Variants in HERC1 observed in about 807,000 individuals in gnomAD.
HERC1 encodes the protein probable E3 ubiquitin-protein ligase HERC1.
In HERC1, 160 loss-of-function variants were observed where a neutral mutation model predicts 554.3. The observed-to-expected ratio is 0.29, with a 90% CI of 0.25 to 0.33. HERC1 has a LOEUF of 0.33. HERC1 is among the 10% of genes least tolerant of loss of function. The pLI is 1.00. For synonymous variants in HERC1, 2,175 were observed against 2,131.7 expected (o/e 1.02, Z -0.56); for missense variants, 4,919 against 5,918.5 (o/e 0.83, Z 5.54).
chr15:63,671,414 T>C (rs1347563810), intron 39 of HERC1, among the ~76,000 whole-genome samples: 1 of 151,842 alleles, frequency 6.6e-6, no homozygotes, highest in Non-Finnish European at 1.5e-5. Flanking sequence ...GAATAACCTA[T>C]TATTCCTCTA....
At chr15:63,816,035 G>C (rs994877627) in intron 1 of HERC1, among the ~76,000 whole-genome samples, 1 of 152,014 alleles carries the variant, frequency 6.6e-6, no homozygotes, top group Non-Finnish European at 1.5e-5. Flanking sequence ...CCCCCCACAC[G>C]TAGGGATTAT....
In HERC1 at chr15:63,664,546, T is replaced by TA; in HGVS notation, c.8603_8604insT (p.Ser2869IlefsTer3). The TA allele has an allele frequency of 6.2e-7, 1 of 1,613,750 alleles. No homozygotes were observed. Among genetic ancestry groups the TA allele is most frequent in the Non-Finnish European group, 8.5e-7 (1 of 1,179,698 alleles). On this transcript the variant is annotated frameshift_variant, in exon 43 of 78. Coordinates refer to ENST00000443617, the MANE Select transcript of HERC1 (RefSeq NM_003922.4). LOFTEE classifies it high-confidence loss of function. ...TTACCGCTGAGCGACCTCTAGCTGA[T>TA]GGTCCACTTCCAGAAGCTGCATTCT... is the stretch of plus-strand genomic sequence containing the variant.
chr15:63,755,390 C>T, intron 5 of HERC1, 65 bp from the exon 6 acceptor site: 1 of 1,203,532 alleles, frequency 8.3e-7, no homozygotes, highest in Non-Finnish European at 1.2e-6. Context: ...CGTATTTGAT[C>T]CTATACACAG....
chr15:63,644,929 ATGACTC>A (rs1172722018), intron 57 of HERC1, 57 bp downstream of exon 57: 1 of 1,233,276 alleles, frequency 8.1e-7, no homozygotes, highest in African/African-American at 1.5e-5. Context: ...CCAAGGGAGA[ATGACTC>A]TGATGTCATA....
At chr15:63,747,549 T>C (rs1320031851) in intron 11 of HERC1, among the ~76,000 whole-genome samples, 175 bp downstream of exon 11, 1 of 152,170 alleles carries the variant, frequency 6.6e-6, no homozygotes, top group African/African-American at 2.4e-5. Context: ...CTAGAAGTTA[T>C]TATCAACAAG....
chr15:63,716,729 A>G (rs1567046110), intron 21 of HERC1, among the ~76,000 whole-genome samples: 1 of 152,152 alleles, frequency 6.6e-6, no homozygotes, highest in Non-Finnish European at 1.5e-5. Flanking sequence ...ATTTATTCAT[A>G]TCTATATTGC....
chr15:63,648,075 T>C lies in HERC1; in HGVS notation c.10872A>G (p.Ala3624=), dbSNP rs1595888975. ...TTTTTAAAGATGCATTTACCTTATG[T>C]GCATCAATTAGAACAATGCCTCCTT... ...LEKGGIVLID[A]HKDTLISMKW... Residue 3624 remains alanine, a synonymous_variant, in exon 55 of 78, where the codon GCA becomes GCG. Transcript: ENST00000443617. 5 of 1,555,586 alleles carry C rather than the reference T, an allele frequency of 3.2e-6. No individual in the cohort carries two copies. The East Asian group carries it at 1.2e-4, about 37-fold the overall frequency.
intron 1 of HERC1, among the ~76,000 whole-genome samples, chr15:63,776,783 C>T (rs929699276): frequency 1.3e-5 from 2 of 152,088 alleles, no homozygotes; most frequent in South Asian, 2.1e-4. Flanking sequence ...CTGGACAACA[C>T]AGTGAGATCT....
chr15:63,712,252 A>G (rs1028030264), intron 24 of HERC1, among the ~76,000 whole-genome samples: 1 of 152,212 alleles, frequency 6.6e-6, no homozygotes, highest in Non-Finnish European at 1.5e-5. Flanking sequence ...GTCCACTCAA[A>G]AGAGAAAGTT....
At chr15:63,621,326 C>A (rs1363220232) in intron 74 of HERC1, among the ~76,000 whole-genome samples, 2 of 152,214 alleles carry the variant, frequency 1.3e-5, no homozygotes, top group Non-Finnish European at 2.9e-5. Flanking sequence ...TTGGCCCCCA[C>A]TCTCTTCTGG....
rs1203632253 is a variant in HERC1 at position 63,672,653 on chromosome 15, C to A, written c.7888G>T (p.Ala2630Ser). Residue 2630 changes from alanine (A) to serine (S), a missense_variant, in exon 39 of 78, where the codon GCA becomes TCA. By Grantham distance (99) the Ala-to-Ser change is moderately conservative. Around this residue, in one of 11 missense-constraint regions of HERC1, gnomAD observed 1,963 missense variants for 2,228.6 expected, o/e 0.88. Coordinates refer to ENST00000443617, the MANE Select transcript of HERC1 (RefSeq NM_003922.4). ...GGGCTAGTAGTAACTGGTGTCTGTGCCTGCTGGGCAGGGTCACTTTCTTCA... is the reference window on the plus strand; with the variant it reads ...GGGCTAGTAGTAACTGGTGTCTGTGACTGCTGGGCAGGGTCACTTTCTTCA... ...QAEESDPAQQ[A>S]QTPVTTSPSA... 1 of 1,612,170 alleles carries A rather than the reference C, an allele frequency of 6.2e-7. No homozygotes were observed. The highest frequency in any genetic ancestry group is 2.2e-5 in the East Asian group (1 of 44,864).
At chr15:63,725,229 G>A (rs1028917422) in intron 18 of HERC1, 63 bp downstream of exon 18, 1 of 1,407,240 alleles carries the variant, frequency 7.1e-7, no homozygotes, top group African/African-American at 1.4e-5. Context: ...AATCAGAATA[G>A]AGAAATCTCC....
chr15:63,748,099 G>A (rs1282483643), intron 10 of HERC1, among the ~76,000 whole-genome samples: 1 of 151,962 alleles, frequency 6.6e-6, no homozygotes, highest in African/African-American at 2.4e-5. Context: ...GGTGGTATAT[G>A]CCTGTAGTCC....
chr15:63,691,809 TAA>T (rs1456138068), intron 31 of HERC1, among the ~76,000 whole-genome samples: 1 of 152,214 alleles, frequency 6.6e-6, no homozygotes, highest in Non-Finnish European at 1.5e-5. Flanking sequence ...GATTGTTGTA[TAA>T]TACTGTGAAT....
chr15:63,641,872 A>G (rs1055701265), intron 59 of HERC1, among the ~76,000 whole-genome samples: 4 of 152,186 alleles, frequency 2.6e-5, no homozygotes, highest in African/African-American at 9.7e-5. Flanking sequence ...ACCTCTGATT[A>G]GCTGGTACTT....
intron 12 of HERC1, among the ~76,000 whole-genome samples, chr15:63,745,098 A>G (rs1596135491): frequency 6.6e-6 from 1 of 152,142 alleles, no homozygotes; most frequent in Middle Eastern, 3.2e-3. Context: ...CTGGTCCCCT[A>G]TCCTGCTGTG....
intron 1 of HERC1, 125 bp downstream of exon 1, chr15:63,833,702 G>C (rs1168663655): frequency 6.6e-6 from 1 of 151,892 alleles, no homozygotes; most frequent in Non-Finnish European, 1.5e-5. Context: ...CTGCAGTCCC[G>C]AAACGGCCCC....
chr15:63,764,579 A>G (rs1596191163), intron 2 of HERC1, among the ~76,000 whole-genome samples: 1 of 152,280 alleles, frequency 6.6e-6, no homozygotes, highest in Admixed American at 6.5e-5. Flanking sequence ...CCTGCCTTCC[A>G]CCTGACAGAA....
intron 66 of HERC1, 105 bp downstream of exon 66, chr15:63,634,628 G>T: frequency 1.2e-6 from 1 of 800,264 alleles, no homozygotes; most frequent in Non-Finnish European, 1.9e-6. Flanking sequence ...TGTACATGAG[G>T]TTAGGTACAA....
Sources: gnomAD v4.1 joint callset for allele counts (sites outside exome capture counted in the v4.1 genomes callset) on GRCh38, gnomAD v4.1.1 for gene constraint, gnomAD v4.1.1 regional missense constraint, MANE v1.5 for transcripts, NCBI Gene and HGNC (gene_info 2026-07-23, HGNC 2026-07-21) for gene names.